Variants in EP400 observed in about 807,000 individuals in gnomAD.
EP400 encodes the protein E1A binding protein p400.
A neutral mutation model predicts 354.1 loss-of-function variants in EP400; 105 were observed. The ratio of observed to expected loss-of-function variants is 0.30; its 90% CI spans 0.25 to 0.35. EP400 has a LOEUF of 0.35. Ranked by LOEUF, EP400 falls within the 10% of genes least tolerant of loss-of-function variation. The probability of loss-of-function intolerance (pLI) is 1.00; values close to 1 mark genes in which losing one functional copy is unlikely to be tolerated. For synonymous variants in EP400, 1,646 were observed against 1,716.9 expected, an observed-to-expected ratio of 0.96 and a Z score of 1.02; for missense variants, 3,280 against 4,121.0, an observed-to-expected ratio of 0.80 and a Z score of 5.59.
chr12:132,017,790 AT>A lies in EP400; in HGVS notation c.4110+71del. 2 of 1,436,354 alleles carry A rather than the reference AT, an allele frequency of 1.4e-6. No homozygotes were observed. Among genetic ancestry groups the A allele is most frequent in the Non-Finnish European group, 1.8e-6 (2 of 1,084,766 alleles). The allele number at this position is 1,436,354 out of a possible 1,614,324, so 89.0% of individuals were successfully genotyped here. On this transcript the variant is annotated intron_variant, in intron 20 of 52. Transcript: ENST00000389561. The surrounding 1 kb of genome is among the most constrained non-coding windows in gnomAD (Gnocchi z 5.0). ...TTCTAGGCACATTATAGATAAAACCATTCTTGGAAATGGGTTCTCAACCAGC... is the reference window on the plus strand; with the variant it reads ...TTCTAGGCACATTATAGATAAAACCATCTTGGAAATGGGTTCTCAACCAGC...
Position 132,064,880 on chromosome 12 carries a change from C to T in EP400, c.8547C>T (p.Ala2849=). The T allele has an allele frequency of 6.2e-7, 1 of 1,605,856 alleles. No homozygotes were observed. The highest frequency in any genetic ancestry group is 1.3e-5 in the African/African-American group (1 of 74,910). Residue 2849 remains alanine, a synonymous_variant, in exon 48 of 53, where the codon GCC becomes GCT. Coordinates refer to ENST00000389561, the MANE Select transcript of EP400 (RefSeq NM_015409.5). ...CCACCGTGGCCAACCTCCAGGTGGC[C>T]CGGCTCGTAAGTGTCAGTTTCTGTT... ...TGTTVANLQV[A]RLTRVPTSQL...
Position 132,029,647 on chromosome 12 carries a change from T to G in EP400, c.5382-54T>G. ...CCCCATCTTTCAGGAGCCCCCATGC[T>G]GGGTGAAGGTGTGTGGCTCCTGGTG... On this transcript the variant is annotated intron_variant, in intron 27 of 52. Coordinates refer to ENST00000389561, the MANE Select transcript of EP400 (RefSeq NM_015409.5). This position sits in a 1 kb window ranked among gnomAD's most constrained non-coding sequence, Gnocchi z 4.7. 1 of 1,577,214 alleles carries G rather than the reference T, an allele frequency of 6.3e-7. No homozygotes were observed. The highest frequency in any genetic ancestry group is 8.7e-7 in the Non-Finnish European group (1 of 1,153,538).
chr12:131,992,331 G>A (rs1008401916), intron 11 of EP400, 101 bp downstream of exon 11: 2 of 1,095,888 alleles, frequency 1.8e-6, no homozygotes, highest in Non-Finnish European at 2.6e-6. Flanking sequence ...TCTTCAGCTG[G>A]TTGGAAAGCT....
chr12:131,972,627 TAAAAAGATA>T (rs1892330773), intron 2 of EP400, among the ~76,000 whole-genome samples: 1 of 150,256 alleles, frequency 6.7e-6, no homozygotes, highest in Non-Finnish European at 1.5e-5. Flanking sequence ...CATTTATTTA[TAAAAAGATA>T]AAAAGAACCG....
intron 2 of EP400, among the ~76,000 whole-genome samples, chr12:131,975,599 A>G (rs1259890435): frequency 1.5e-4 from 23 of 151,752 alleles, no homozygotes; most frequent in Admixed American, 1.5e-3. Context: ...TCACTCTGTC[A>G]CCCAGGCTGG....
In EP400 at chr12:132,018,442, A is replaced by C. The variant is rs1394630372; in HGVS notation, c.4277+66A>C. ...GGGCCCCCACAGCTGACCCAGGTCT[A>C]TGCGTGGTGAAAAGAAAGGCTGCTA... On this transcript the variant is annotated intron_variant, in intron 21 of 52. Transcript: ENST00000389561. The surrounding 1 kb of genome is among the most constrained non-coding windows in gnomAD (Gnocchi z 4.0). The C allele has an allele frequency of 1.3e-6, 2 of 1,532,914 alleles. No homozygotes were observed. The highest frequency in any genetic ancestry group is 1.7e-6 in the Non-Finnish European group (2 of 1,145,876). The allele number at this position is 1,532,914 out of a possible 1,614,324, so 95.0% of individuals were successfully genotyped here.
intron 48 of EP400, chr12:132,066,079 A>C (rs1475223189): frequency 6.6e-6 from 1 of 152,236 alleles, no homozygotes; most frequent in African/African-American, 2.4e-5. Context: ...AAACAATGGA[A>C]TATTAAGCAA....
intron 31 of EP400, 74 bp from the exon 32 acceptor site, chr12:132,037,879 G>A (rs1363822641): frequency 9.9e-6 from 16 of 1,612,240 alleles, no homozygotes; most frequent in Non-Finnish European, 1.4e-5. Context: ...CTAGCAAGGG[G>A]CTTAGGTCTC....
intron 32 of EP400, among the ~76,000 whole-genome samples, chr12:132,042,107 C>T (rs1042504526): frequency 6.6e-6 from 1 of 151,942 alleles, no homozygotes; most frequent in African/African-American, 2.4e-5. Context: ...CATGCCACCA[C>T]GCCTGGCTAA....
chr12:131,954,447 G>T (rs6598179), intron 1 of EP400, among the ~76,000 whole-genome samples: 18,179 of 151,798 alleles, frequency 0.12, 1,452 homozygotes, highest in African/African-American at 0.22. Context: ...AAATTTGGCT[G>T]GGCGCAGTGG....
In EP400 at chr12:132,067,832, C is replaced by T. The variant is rs912928029; in HGVS notation, c.8874+346C>T. ...GGGCCAGTGGGCTCAGGGAAGCAGA[C>T]GCAGCTCACACCACAGGACCCGCCT... On this transcript the variant is annotated intron_variant, in intron 50 of 52. Coordinates refer to ENST00000389561, the MANE Select transcript of EP400 (RefSeq NM_015409.5). This position sits in a 1 kb window ranked among gnomAD's most constrained non-coding sequence, Gnocchi z 5.3. Among the ~76,000 whole-genome samples, 4 of 152,122 alleles carry T rather than the reference C, an allele frequency of 2.6e-5. No homozygotes were observed. Among genetic ancestry groups the T allele is most frequent in the African/African-American group, 7.2e-5 (3 of 41,484 alleles).
intron 5 of EP400, 110 bp downstream of exon 5, chr12:131,982,588 C>A (rs1266232904): frequency 2.9e-6 from 4 of 1,364,878 alleles, no homozygotes; most frequent in Non-Finnish European, 3.9e-6. Flanking sequence ...TTTCTCTTAG[C>A]AGCTTGCTCC....
At position 132,030,046 on chromosome 12, in the gene EP400, T is replaced by G. The variant is rs1399153411; in HGVS notation, c.5642T>G (p.Val1881Gly). The G allele has an allele frequency of 6.2e-7, 1 of 1,614,242 alleles. No homozygotes were observed. Among genetic ancestry groups the G allele is most frequent in the Non-Finnish European group, 8.5e-7 (1 of 1,180,042 alleles). The change falls in exon 29 of 53, where the codon GTG becomes GGG. Residue 1881 changes from valine (V) to glycine (G), a missense_variant. Coordinates refer to ENST00000389561, the MANE Select transcript of EP400 (RefSeq NM_015409.5). Reference sequence around the variant, plus strand: ...AAATTGAAATCTGAAGGACGTCGGGTGCTGATTTTATCACAGATGATTCTT... The same window carrying G: ...AAATTGAAATCTGAAGGACGTCGGGGGCTGATTTTATCACAGATGATTCTT... ...LQKLKSEGRR[V>G]LILSQMILML...
intron 12 of EP400, among the ~76,000 whole-genome samples, chr12:131,999,162 A>G (rs1366898456): frequency 1.3e-5 from 2 of 151,906 alleles, no homozygotes; most frequent in African/African-American, 4.8e-5. Context: ...TTTGTTGCCT[A>G]CTGACCCCAC....
chr12:131,955,190 AGTTG>A (rs1891654619), intron 1 of EP400, among the ~76,000 whole-genome samples: 1 of 152,186 alleles, frequency 6.6e-6, no homozygotes, highest in Non-Finnish European at 1.5e-5. Flanking sequence ...TTTGCATTAT[AGTTG>A]ATTGTCTTTG....
At position 132,027,352 on chromosome 12, in the gene EP400, G is replaced by C. The variant is rs1398642410; in HGVS notation, c.5015-85G>C. On this transcript the variant is annotated intron_variant, in intron 25 of 52. Coordinates refer to ENST00000389561, the MANE Select transcript of EP400 (RefSeq NM_015409.5). The surrounding 1 kb of genome is among the most constrained non-coding windows in gnomAD (Gnocchi z 4.9). ...TTTCTGTGGAGTGTGCTGGTGGAGG[G>C]TGAGGTTCCATGGAGCATGCTGGTG... 4 of 1,361,582 alleles carry C rather than the reference G, an allele frequency of 2.9e-6. No homozygotes were observed. The African/African-American group carries it at 5.7e-5, about 19-fold the overall frequency. The allele number at this position is 1,361,582 out of a possible 1,614,324, so 84.3% of individuals were successfully genotyped here. A position where few individuals can be genotyped will look rare whatever the true frequency, so the allele number is the denominator to read the frequency against.
In EP400 at chr12:132,021,164, C is replaced by T; in HGVS notation, c.4533C>T (p.Ser1511=). 1.2e-6 allele frequency: 2 copies of T among 1,601,120 alleles called. No homozygotes were observed. Among genetic ancestry groups the T allele is most frequent in the South Asian group, 1.1e-5 (1 of 91,070 alleles). ...QPASASSTAA[S]PAHPAKLRAQ... Reference sequence around the variant, plus strand: ...CCTCGGCCTCCAGCACAGCCGCTAGCCCGGCCCATCCTGCGAAACTGCGGG... The same window carrying T: ...CCTCGGCCTCCAGCACAGCCGCTAGTCCGGCCCATCCTGCGAAACTGCGGG... The change falls in exon 23 of 53, where the codon AGC becomes AGT. Residue 1511 remains serine, a synonymous_variant. Coordinates refer to ENST00000389561, the MANE Select transcript of EP400 (RefSeq NM_015409.5).
At position 132,078,213 on chromosome 12, in the gene EP400, A is replaced by G. The variant is rs1896295961; in HGVS notation, c.*540A>G. 1 of 154,212 alleles carries G rather than the reference A, an allele frequency of 6.5e-6. No homozygotes were observed. Among genetic ancestry groups the G allele is most frequent in the Non-Finnish European group, 1.4e-5 (1 of 69,310 alleles). The allele number at this position is 154,212 out of a possible 1,614,324, so 9.6% of individuals were successfully genotyped here. On this transcript the variant is annotated 3_prime_UTR_variant, in exon 53 of 53. Transcript: ENST00000389561. ...TGGGTTTTCCATTCCAAAGAAAGGC[A>G]ATATGGTTCCTTCCTTCCCTCCTAA...
intron 4 of EP400, 68 bp from the exon 5 acceptor site, chr12:131,982,025 T>C: frequency 1.3e-6 from 2 of 1,492,882 alleles, no homozygotes; most frequent in Non-Finnish European, 1.8e-6. Context: ...ACGTGTCTCC[T>C]TGTGACTCAT....
Sources: allele counts gnomAD v4.1 joint callset (sites outside exome capture counted in the v4.1 genomes callset), GRCh38; gene constraint gnomAD v4.1.1; non-coding constraint Gnocchi (gnomAD v3.1); transcripts MANE v1.5; gene names NCBI Gene and HGNC (gene_info 2026-07-23, HGNC 2026-07-21).